ALG6: variants seen among roughly 807,000 people sequenced by gnomAD.
ALG6 encodes the protein dolichyl pyrophosphate Man9GlcNAc2 alpha-1,3-glucosyltransferase.
ALG6 carries 46 observed loss-of-function variants against 66.6 expected under a neutral mutation model. That is an observed-to-expected ratio of 0.69 (90% CI 0.55 to 0.88). ALG6 has a LOEUF of 0.88. Ranked by LOEUF, ALG6 falls within the 40% of genes least tolerant of loss-of-function variation. The probability of loss-of-function intolerance (pLI) is 0.00; values close to 1 mark genes in which losing one functional copy is unlikely to be tolerated. For missense variants in ALG6, 505 were observed against 586.8 expected (o/e 0.86, Z 1.44); for synonymous variants, 185 against 203.7 (o/e 0.91, Z 0.78).
At chr1:63,419,267 T>C in intron 11 of ALG6, 103 bp from the exon 12 acceptor site, 1 of 999,244 alleles carries the variant, frequency 1.0e-6, no homozygotes, top group Non-Finnish European at 1.6e-6. Flanking sequence ...TTTAATAAAC[T>C]TTCAACTTTC....
chr1:63,419,572 C>T (rs940658232), intron 12 of ALG6, 132 bp downstream of exon 12: 1 of 720,994 alleles, frequency 1.4e-6, no homozygotes, highest in Non-Finnish European at 2.1e-6. Flanking sequence ...ATTTCATAGT[C>T]AGGTTTTTTT....
chr1:63,414,211 T>C, intron 10 of ALG6, 65 bp downstream of exon 10: 1 of 1,217,202 alleles, frequency 8.2e-7, no homozygotes, highest in Non-Finnish European at 1.2e-6. Flanking sequence ...TATGGTATTA[T>C]TTCATTTATT....
intron 2 of ALG6, among the ~76,000 whole-genome samples, chr1:63,396,003 A>G (rs1397567215): frequency 6.6e-6 from 1 of 152,220 alleles, no homozygotes; most frequent in Non-Finnish European, 1.5e-5. Context: ...AGGTATTATA[A>G]GTAATCTAAA....
rs756370228 is a variant in ALG6, at chr1:63,415,853, G to T, written c.903-20G>T. 3 of 1,497,726 alleles carry T rather than the reference G, an allele frequency of 2.0e-6. No homozygotes were observed. The highest frequency in any genetic ancestry group is 2.3e-5 in the South Asian group (2 of 87,514). The allele number at this position is 1,497,726 out of a possible 1,614,324, so 92.8% of individuals were successfully genotyped here. On this transcript the variant is annotated intron_variant, in intron 10 of 14. Coordinates refer to ENST00000263440, the MANE Select transcript of ALG6 (RefSeq NM_013339.4). Reference sequence around the variant, plus strand: ...ACCTCTACAAAGAAGACAAATATTTGATTTGTATTAATTTTTTAGCTTTTG... The same window carrying T: ...ACCTCTACAAAGAAGACAAATATTTTATTTGTATTAATTTTTTAGCTTTTG...
chr1:63,429,246 T>G (rs1358863048), intron 14 of ALG6, 120 bp downstream of exon 14: 4 of 755,840 alleles, frequency 5.3e-6, no homozygotes, highest in Non-Finnish European at 8.7e-6. Context: ...TCCACTCATT[T>G]AAAGTATACA....
chr1:63,370,219 C>G (rs1647869016), intron 1 of ALG6, among the ~76,000 whole-genome samples: 1 of 149,888 alleles, frequency 6.7e-6, no homozygotes, highest in Non-Finnish European at 1.5e-5. Context: ...ATTTTTTTCT[C>G]ACGATTTGGG....
In ALG6 at chr1:63,434,640, G is replaced by A. The variant is rs143429813; in HGVS notation, c.1327-2183G>A. On this transcript the variant is annotated intron_variant, in intron 14 of 14. Coordinates refer to ENST00000263440, the MANE Select transcript of ALG6 (RefSeq NM_013339.4). Reference sequence around the variant, plus strand: ...TATTTTTAAAAACTCATCAGCTATCGTTAGTGTTGGTGTATTTTATGTGTG... The same window carrying A: ...TATTTTTAAAAACTCATCAGCTATCATTAGTGTTGGTGTATTTTATGTGTG... 4.1e-4 allele frequency among the ~76,000 whole-genome samples: 62 copies of A among 152,266 alleles called. 2 individuals are homozygous for A. The East Asian group carries it at 7.7e-3, about 19-fold the overall frequency.
intron 12 of ALG6, among the ~76,000 whole-genome samples, chr1:63,425,219 A>G (rs1644608910): frequency 6.6e-6 from 1 of 152,206 alleles, no homozygotes; most frequent in South Asian, 2.1e-4. Flanking sequence ...GGAGCAATAA[A>G]GGCAGGGGAA....
chr1:63,427,541 CAA>C (rs897906537), intron 12 of ALG6, among the ~76,000 whole-genome samples: 19 of 152,038 alleles, frequency 1.2e-4, no homozygotes, highest in African/African-American at 4.3e-4. Context: ...ATGATACCTG[CAA>C]AGAGTTCTTT....
Position 63,437,068 on chromosome 1 carries a change from C to T in ALG6, c.*48C>T. 1 of 1,546,146 alleles carries T rather than the reference C, an allele frequency of 6.5e-7. No homozygotes were observed. On this transcript the variant is annotated 3_prime_UTR_variant, in exon 15 of 15. Coordinates refer to ENST00000263440, the MANE Select transcript of ALG6 (RefSeq NM_013339.4). ...TCCTAAACAAATGTGAAAATGTGAA[C>T]AGTGCTGAAAGGTTTTGTGAACTTT...
At position 63,387,204 on chromosome 1, in the gene ALG6, G is replaced by A. The variant is rs370881783; in HGVS notation, c.83-9309G>A. On this transcript the variant is annotated intron_variant, in intron 2 of 14. Coordinates refer to ENST00000263440, the MANE Select transcript of ALG6 (RefSeq NM_013339.4). The stretch of plus-strand genomic sequence containing the variant: ...TTTTAAGACTTGTTTGTGGTCTATC[G>A]TATGGTCTATCTGTGTGCCAAGGAG... Among the ~76,000 whole-genome samples, 8 of 152,146 alleles carry A rather than the reference G, an allele frequency of 5.3e-5. No individual in the cohort carries two copies. The East Asian group carries it at 5.8e-4, about 11-fold the overall frequency.
chr1:63,428,518 AATT>A (rs2100440156), intron 12 of ALG6: 1 of 388,630 alleles, frequency 2.6e-6, no homozygotes, highest in Non-Finnish European at 4.5e-6. Flanking sequence ...GCAGTTTTCC[AATT>A]ATTATGAGGA....
chr1:63,418,546 TG>T (rs1321443589), intron 11 of ALG6, among the ~76,000 whole-genome samples: 2 of 151,984 alleles, frequency 1.3e-5, no homozygotes, highest in African/African-American at 4.8e-5. Flanking sequence ...AACCAGATCT[TG>T]TAGGCATTGG....
At chr1:63,368,481 C>G (rs1205046198) in intron 1 of ALG6, among the ~76,000 whole-genome samples, 1 of 151,978 alleles carries the variant, frequency 6.6e-6, no homozygotes, top group Non-Finnish European at 1.5e-5. Flanking sequence ...GTCAACACAT[C>G]CAAGTAATTT....
Position 63,396,589 on chromosome 1 carries a change from C to A in ALG6, c.159C>A (p.Val53=). ...HWQEITFNLP[V]KQWYFNSSDN... is the part of the protein sequence containing the mutation. Reference sequence around the variant, plus strand: ...AAGAAATAACTTTTAATTTACCGGTCAAACAATGGTATGATAATTTTAACT... The same window carrying A: ...AAGAAATAACTTTTAATTTACCGGTAAAACAATGGTATGATAATTTTAACT... The change falls in exon 3 of 15, where the codon GTC becomes GTA. Residue 53 remains valine, a synonymous_variant. Transcript: ENST00000263440. 3 of 1,612,450 alleles carry A rather than the reference C, an allele frequency of 1.9e-6. No individual in the cohort carries two copies. Among genetic ancestry groups the A allele is most frequent in the South Asian group, 2.2e-5 (2 of 91,018 alleles).
At chr1:63,400,127 G>A (rs1180908643) in intron 3 of ALG6, among the ~76,000 whole-genome samples, 1 of 144,492 alleles carries the variant, frequency 6.9e-6, no homozygotes, top group East Asian at 2.0e-4. Flanking sequence ...CTGGGAGGCG[G>A]AGGTTGCAGT....
chr1:63,408,155 A>G lies in ALG6; in HGVS notation c.494+1029A>G, dbSNP rs566534962. ...TAGTATCCAAAAACTACCCTTGTAC[A>G]CCTCCCCATCCTTCTCCCTCCTCCT... On this transcript the variant is annotated intron_variant, in intron 7 of 14. Transcript: ENST00000263440. Among the ~76,000 whole-genome samples, 15 of 152,104 alleles carry G rather than the reference A, an allele frequency of 9.9e-5. No homozygotes were observed. The East Asian group carries it at 2.9e-3, about 29-fold the overall frequency.
intron 12 of ALG6, 24 bp downstream of exon 12, chr1:63,419,464 G>A: frequency 6.7e-7 from 1 of 1,486,544 alleles, no homozygotes; most frequent in South Asian, 1.2e-5. Flanking sequence ...TTTGAAATAT[G>A]TGTTTATTTG....
At chr1:63,411,117 T>C (rs1260847773) in intron 7 of ALG6, 29 bp from the exon 8 acceptor site, 1 of 1,610,784 alleles carries the variant, frequency 6.2e-7, no homozygotes, top group Non-Finnish European at 8.5e-7. Context: ...TAAAAGATTA[T>C]TGAGATAATT....
Sources: gnomAD v4.1 joint callset for allele counts (sites outside exome capture counted in the v4.1 genomes callset) on GRCh38, gnomAD v4.1.1 for gene constraint, MANE v1.5 for transcripts, NCBI Gene and HGNC (gene_info 2026-07-23, HGNC 2026-07-21) for gene names.